The following NUDT5 variants were observed in gnomAD, a reference collection of about 807,000 sequenced individuals.
NUDT5 encodes nudix hydrolase 5.
A neutral mutation model predicts 34.1 loss-of-function variants in NUDT5; 21 were observed. That is an observed-to-expected ratio of 0.62 (90% confidence interval 0.44 to 0.89). NUDT5 has a LOEUF of 0.89. Among genes scored for constraint, NUDT5 ranks in the 40% least tolerant of loss-of-function variants. The probability of loss-of-function intolerance (pLI) is 0.00; values close to 1 mark genes in which losing one functional copy is unlikely to be tolerated. For missense variants in NUDT5, 249 were observed against 274.8 expected, an observed-to-expected ratio of 0.91 and a Z score of 0.66; for synonymous variants, 85 against 97.6, an observed-to-expected ratio of 0.87 and a Z score of 0.76.
chr10:12,186,475 G>C, intron 1 of NUDT5, 143 bp from the exon 2 acceptor site: 1 of 599,872 alleles, frequency 1.7e-6, no homozygotes, highest in Non-Finnish European at 3.0e-6. Context: ...GGGAACTGCC[G>C]CAGGTGGAAA....
rs894084317 is a variant in NUDT5 at position 12,169,069 on chromosome 10, C to T, written c.551-1258G>A. 6.6e-6 allele frequency among the ~76,000 whole-genome samples: 1 copy of T among 152,096 alleles called. No homozygotes were observed. The highest frequency in any genetic ancestry group is 1.5e-5 in the Non-Finnish European group (1 of 67,990). The stretch of plus-strand genomic sequence containing the variant: ...TGAGCCACCGCACCCGGCCAGCAAA[C>T]TGATCTTAAAATGTAATACTTTCCT... On this transcript the variant is annotated intron_variant, in intron 9 of 9. Transcript: ENST00000491614. This position sits in a 1 kb window ranked among gnomAD's most constrained non-coding sequence, Gnocchi z 4.8.
chr10:12,184,156 A>G (rs1203191327), intron 3 of NUDT5, among the ~76,000 whole-genome samples: 3 of 152,094 alleles, frequency 2.0e-5, no homozygotes, highest in African/African-American at 4.8e-5. Context: ...GGTTCAAGCA[A>G]TTCTCCTGCC....
At chr10:12,180,797 A>G (rs1440125383) in intron 3 of NUDT5, among the ~76,000 whole-genome samples, 1 of 152,202 alleles carries the variant, frequency 6.6e-6, no homozygotes, top group Non-Finnish European at 1.5e-5. Flanking sequence ...TTCTAGCTTT[A>G]GGATTCTGCT....
At chr10:12,184,659 G>A (rs1048494349) in intron 3 of NUDT5, 3 of 826,316 alleles carry the variant, frequency 3.6e-6, no homozygotes, top group Non-Finnish European at 5.5e-6. Context: ...TCTACTTAGG[G>A]AGAATGGTAT....
rs1490201802 is a variant in NUDT5, at chr10:12,181,086, T to A, written c.132-1954A>T. On this transcript the variant is annotated intron_variant, in intron 3 of 9. Coordinates refer to ENST00000491614, the MANE Select transcript of NUDT5 (RefSeq NM_014142.4). The surrounding 1 kb of genome is among the most constrained non-coding windows in gnomAD (Gnocchi z 5.0). ...ATCCGTGGGTTCTGCATTCATGGAT[T>A]CAACCAACCACCCATTGAAAATATT... is the stretch of plus-strand genomic sequence containing the variant. 6.6e-6 allele frequency among the ~76,000 whole-genome samples: 1 copy of A among 152,222 alleles called. No homozygotes were observed. The highest frequency in any genetic ancestry group is 1.5e-5 in the Non-Finnish European group (1 of 68,038).
At position 12,168,521 on chromosome 10, in the gene NUDT5, G is replaced by A. The variant is rs1432366310; in HGVS notation, c.551-710C>T. 7.9e-5 allele frequency among the ~76,000 whole-genome samples: 12 copies of A among 151,942 alleles called. No individual in the cohort carries two copies. Among genetic ancestry groups the A allele is most frequent in the Admixed American group, 7.9e-4 (12 of 15,258 alleles). ...GCAAGTTAAACTGTGTGCATGTTAG[G>A]ACTGGAGATCTACTACCAAGAATGC... On this transcript the variant is annotated intron_variant, in intron 9 of 9. Coordinates refer to ENST00000491614, the MANE Select transcript of NUDT5 (RefSeq NM_014142.4). The surrounding 1 kb of genome is among the most constrained non-coding windows in gnomAD (Gnocchi z 4.8).
rs761263376 is a variant in NUDT5 at position 12,181,251 on chromosome 10, G to A, written c.132-2119C>T. Among the ~76,000 whole-genome samples, 1 of 152,198 alleles carries A rather than the reference G, an allele frequency of 6.6e-6. No homozygotes were observed. Among genetic ancestry groups the A allele is most frequent in the Non-Finnish European group, 1.5e-5 (1 of 68,034 alleles). On this transcript the variant is annotated intron_variant, in intron 3 of 9. Coordinates refer to ENST00000491614, the MANE Select transcript of NUDT5 (RefSeq NM_014142.4). This position sits in a 1 kb window ranked among gnomAD's most constrained non-coding sequence, Gnocchi z 5.0. ...TACTCTAGAGATGAAGTGCGTGGGA[G>A]GATGTGCATAGGTTAGAGGCAAATA...
chr10:12,166,946 C>A lies in NUDT5; in HGVS notation c.*756G>T. On this transcript the variant is annotated 3_prime_UTR_variant, in exon 10 of 10. Coordinates refer to ENST00000491614, the MANE Select transcript of NUDT5 (RefSeq NM_014142.4). ...TTCATGGTTTAACATCAAGATATTACTGCCCCAAACATGTCAGTCTTACAG... is the reference window on the plus strand; with the variant it reads ...TTCATGGTTTAACATCAAGATATTAATGCCCCAAACATGTCAGTCTTACAG... 1 of 255,252 alleles carries A rather than the reference C, an allele frequency of 3.9e-6. No homozygotes were observed. 15.8% of individuals were successfully genotyped at this position (255,252 alleles called of 1,614,324 possible).
intron 2 of NUDT5, 63 bp from the exon 3 acceptor site, chr10:12,185,019 G>A (rs1835103498): frequency 1.2e-6 from 1 of 841,984 alleles, no homozygotes; most frequent in African/African-American, 1.7e-5. Context: ...ATCTAAAAGG[G>A]TTTTTCTTTC....
intron 1 of NUDT5, among the ~76,000 whole-genome samples, chr10:12,190,326 TA>T (rs1241001455): frequency 6.6e-6 from 1 of 151,978 alleles, no homozygotes; most frequent in Admixed American, 6.6e-5. Flanking sequence ...CTCCAGAGCA[TA>T]AAAAAAACAC....
At position 12,167,406 on chromosome 10, in the gene NUDT5, G is replaced by T; in HGVS notation, c.*296C>A. The T allele has an allele frequency of 3.3e-6, 1 of 306,784 alleles. No homozygotes were observed. The highest frequency in any genetic ancestry group is 6.2e-6 in the Non-Finnish European group (1 of 162,556). 19.0% of individuals were successfully genotyped at this position (306,784 alleles called of 1,614,324 possible). A position where few individuals can be genotyped will look rare whatever the true frequency, so the allele number is the denominator to read the frequency against. ...TCTATACAAATACCCCTGTCTACCA[G>T]ACTGGACTAGAAAAGTAACTGAGCT... On this transcript the variant is annotated 3_prime_UTR_variant, in exon 10 of 10. Coordinates refer to ENST00000491614, the MANE Select transcript of NUDT5 (RefSeq NM_014142.4).
rs193102820 is a variant in NUDT5 at position 12,184,786 on chromosome 10, C to A, written c.131+103G>T. The A allele has an allele frequency of 7.4e-4, 534 of 725,390 alleles. 2 individuals carry two copies. In the African/African-American group the frequency reaches 8.6e-3, roughly 12 times the overall value. The allele number at this position is 725,390 out of a possible 1,614,324, so 44.9% of individuals were successfully genotyped here. On this transcript the variant is annotated intron_variant, in intron 3 of 9. Coordinates refer to ENST00000491614, the MANE Select transcript of NUDT5 (RefSeq NM_014142.4). ...AACAGCTAAATCAGATTATTTAAAACAGAGTTTACAAAAAAGAAAACATCA... is the reference window on the plus strand; with the variant it reads ...AACAGCTAAATCAGATTATTTAAAAAAGAGTTTACAAAAAAGAAAACATCA...
At chr10:12,190,641 C>A (rs1490003229) in intron 1 of NUDT5, among the ~76,000 whole-genome samples, 1 of 145,066 alleles carries the variant, frequency 6.9e-6, no homozygotes, top group East Asian at 2.0e-4. Flanking sequence ...CTGAATCTCG[C>A]TGCAACACCC....
At chr10:12,172,951 C>T in intron 6 of NUDT5, 85 bp from the exon 7 acceptor site, 1 of 979,300 alleles carries the variant, frequency 1.0e-6, no homozygotes, top group East Asian at 2.5e-5. Context: ...CGTCCCGCAG[C>T]TCAGCATTGA....
At chr10:12,184,414 G>C (rs1213338846) in intron 3 of NUDT5, 1 of 1,245,662 alleles carries the variant, frequency 8.0e-7, no homozygotes, top group African/African-American at 1.5e-5. Context: ...AGTATCTTTA[G>C]GGCTACTGAC....
intron 1 of NUDT5, among the ~76,000 whole-genome samples, chr10:12,194,450 C>G (rs956171001): frequency 3.9e-5 from 6 of 152,208 alleles, no homozygotes; most frequent in African/African-American, 9.7e-5. Flanking sequence ...TCCCTCAAAT[C>G]AGAAAGGACT....
At chr10:12,185,533 C>T (rs1835112448) in intron 2 of NUDT5, among the ~76,000 whole-genome samples, 1 of 152,212 alleles carries the variant, frequency 6.6e-6, no homozygotes. Flanking sequence ...GTGTTGGAGA[C>T]TAACTTACCT....
chr10:12,177,843 A>C lies in NUDT5; in HGVS notation c.239T>G (p.Val80Gly), dbSNP rs1204607321. Reference protein sequence around the residue: ...RTLHYECIVLVKQFRPPMGGY... With the variant: ...RTLHYECIVLGKQFRPPMGGY... ...CCCCATTGGTGGTCGGAACTGTTTC[A>C]CCAGAACGATACACTCATAGTGAAG... Residue 80 changes from valine to glycine, a missense_variant, in exon 5 of 10, where the codon GTG (valine) becomes GGG (glycine). Val to Gly is a moderately radical substitution (Grantham distance 109). Transcript: ENST00000491614. The C allele has an allele frequency of 1.2e-6, 2 of 1,614,152 alleles. No individual in the cohort carries two copies. Among genetic ancestry groups the C allele is most frequent in the Admixed American group, 1.7e-5 (1 of 60,024 alleles).
rs1445907012 is a variant in NUDT5 at position 12,173,991 on chromosome 10, A to C, written c.290-178T>G. ...TAAGCAATTCTCTGCTTCAGCCTCC[A>C]GAGTAGCTGGGATTACAGGCGCGTG... On this transcript the variant is annotated intron_variant, in intron 5 of 9. Coordinates refer to ENST00000491614, the MANE Select transcript of NUDT5 (RefSeq NM_014142.4). The surrounding 1 kb of genome is among the most constrained non-coding windows in gnomAD (Gnocchi z 4.7). Among the ~76,000 whole-genome samples the C allele has an allele frequency of 6.6e-6, 1 of 151,172 alleles. No individual in the cohort carries two copies. Among genetic ancestry groups the C allele is most frequent in the African/African-American group, 2.4e-5 (1 of 41,126 alleles).
Sources: allele counts gnomAD v4.1 joint callset (sites outside exome capture counted in the v4.1 genomes callset), GRCh38; gene constraint gnomAD v4.1.1; non-coding constraint Gnocchi (gnomAD v3.1); transcripts MANE v1.5; gene names NCBI Gene and HGNC (gene_info 2026-07-23, HGNC 2026-07-21).